The following JCAD variants were observed in gnomAD, a reference collection of about 807,000 sequenced individuals.
The protein encoded by JCAD is junctional cadherin 5 associated.
A neutral mutation model predicts 98.0 loss-of-function variants in JCAD; 40 were observed. That is an observed-to-expected ratio of 0.41 (90% confidence interval 0.32 to 0.53). The LOEUF (loss-of-function observed/expected upper bound fraction) is 0.53. Ranked by LOEUF, JCAD falls within the 20% of genes least tolerant of loss-of-function variation. JCAD has a pLI of 0.31. For synonymous variants in JCAD, 691 were observed against 682.3 expected, an observed-to-expected ratio of 1.01 and a Z score of -0.20; for missense variants, 1,705 against 1,738.1, an observed-to-expected ratio of 0.98 and a Z score of 0.34.
rs770165943 is a variant in JCAD at position 30,026,930 on chromosome 10, G to A, written c.3218C>T (p.Thr1073Ile). Residue 1073 changes from threonine to isoleucine, a missense_variant, in exon 3 of 4, where the codon ACA becomes ATA. Coordinates refer to ENST00000375377, the MANE Select transcript of JCAD (RefSeq NM_020848.4). ...ELEGSLGEAS[T>I]IEIPPGESLQ... ...GGACTCACCTGGGGGGATTTCTATT[G>A]TGCTTGCTTCACCCAAAGACCCCTC... is the stretch of plus-strand genomic sequence containing the variant. 6.2e-7 allele frequency: 1 copy of A among 1,614,122 alleles called. No individual in the cohort carries two copies. The highest frequency in any genetic ancestry group is 8.5e-7 in the Non-Finnish European group (1 of 1,180,018).
chr10:30,027,313 G>C lies in JCAD; in HGVS notation c.2835C>G (p.Phe945Leu), dbSNP rs775621147. ...CACTCGTGCTTCCATCTGCTGAGCA[G>C]AAAGGTGCACCGCCACCTTCTTCCA... ...FRVEEGGGAP[F>L]CSADGSTSAE... Residue 945 changes from phenylalanine to leucine, a missense_variant, in exon 3 of 4, where the codon TTC becomes TTG. By Grantham distance (22) the Phe-to-Leu change is conservative. Coordinates refer to ENST00000375377, the MANE Select transcript of JCAD (RefSeq NM_020848.4). The C allele has an allele frequency of 7.4e-6, 12 of 1,613,886 alleles. 1 individual carries two copies. In the South Asian group the frequency reaches 1.3e-4, roughly 18 times the overall value.
intron 1 of JCAD, among the ~76,000 whole-genome samples, chr10:30,050,211 A>C (rs765173826): frequency 6.7e-6 from 1 of 150,242 alleles, no homozygotes; most frequent in Non-Finnish European, 1.5e-5. Context: ...GTTACTCAAG[A>C]GCCTGAAGGA....
Position 30,012,857 on chromosome 10 carries a change from ATCCT to A in JCAD, c.*5022_*5025del, listed in dbSNP as rs1396404335. The stretch of plus-strand genomic sequence containing the variant: ...TATGTTACTGAGCAGGCCAGCCGCC[ATCCT>A]GAAATAGCAAGGATATTTACACTGT... On this transcript the variant is annotated 3_prime_UTR_variant, in exon 4 of 4. Transcript: ENST00000375377. 1.3e-5 allele frequency: 2 copies of A among 152,254 alleles called. No individual in the cohort carries two copies. The highest frequency in any genetic ancestry group is 2.4e-5 in the African/African-American group (1 of 41,450). The allele number at this position is 152,254 out of a possible 1,614,324, so 9.4% of individuals were successfully genotyped here.
rs1314925032 is a variant in JCAD at position 30,087,935 on chromosome 10, G to GGTTGAAGCCATTCTCCT, written n.129-18131_129-18115dup. ...AGCTCACTGTAACCTCTGCCTCCCG[G>GGTTGAAGCCATTCTCCT]GTTGAAGCCATTCTCCTGCCTCAGC... On this transcript the variant is annotated intron_variant and non_coding_transcript_variant, in intron 1 of 2. Transcript: ENST00000465712. Among the ~76,000 whole-genome samples, 4 of 152,194 alleles carry GGTTGAAGCCATTCTCCT rather than the reference G, an allele frequency of 2.6e-5. No homozygotes were observed. In the East Asian group the frequency reaches 7.7e-4, roughly 29 times the overall value.
At position 30,028,157 on chromosome 10, in the gene JCAD, A is replaced by G. The variant is rs1422335268; in HGVS notation, c.1991T>C (p.Leu664Pro). 2 of 1,614,042 alleles carry G rather than the reference A, an allele frequency of 1.2e-6. No individual in the cohort carries two copies. The highest frequency in any genetic ancestry group is 8.5e-7 in the Non-Finnish European group (1 of 1,179,998). Reference protein sequence around the residue: ...EPEEDRQTNDLSFIHLTKHRE... With the variant: ...EPEEDRQTNDPSFIHLTKHRE... ...GTGCTTTGTAAGGTGGATGAAACTG[A>G]GGTCATTTGTTTGTCTGTCTTCTTC... The change falls in exon 3 of 4, where the codon CTC becomes CCC. Residue 664 changes from leucine to proline, a missense_variant. By Grantham distance (98) the Leu-to-Pro change is moderately conservative. Coordinates refer to ENST00000375377, the MANE Select transcript of JCAD (RefSeq NM_020848.4).
At chr10:30,114,129 TC>T (rs1838752582) in intron 1 of JCAD, among the ~76,000 whole-genome samples, 1 of 152,140 alleles carries the variant, frequency 6.6e-6, no homozygotes, top group Admixed American at 6.5e-5. Context: ...TTGACTTAGT[TC>T]CCCGTGCACA....
intron 1 of JCAD, among the ~76,000 whole-genome samples, chr10:30,105,292 C>T (rs1838553036): frequency 6.6e-6 from 1 of 151,908 alleles, no homozygotes; most frequent in Non-Finnish European, 1.5e-5. Flanking sequence ...TGTCACCAGC[C>T]TTGCAACTGT....
chr10:30,108,283 A>G (rs1201015162), intron 1 of JCAD, among the ~76,000 whole-genome samples: 1 of 151,504 alleles, frequency 6.6e-6, no homozygotes, highest in East Asian at 1.9e-4. Flanking sequence ...TTATGCTCCA[A>G]CCTGGGTGAC....
chr10:30,034,409 C>T (rs1282138833), intron 2 of JCAD, among the ~76,000 whole-genome samples: 4 of 152,154 alleles, frequency 2.6e-5, no homozygotes, highest in Non-Finnish European at 4.4e-5. Context: ...TCTGTGTTAA[C>T]GACCTGTACA....
chr10:30,109,195 G>A (rs546791588), intron 1 of JCAD, among the ~76,000 whole-genome samples: 7 of 152,148 alleles, frequency 4.6e-5, no homozygotes, highest in Admixed American at 2.0e-4. Flanking sequence ...TACGATTGGC[G>A]GAGCGGAATT....
Position 30,026,805 on chromosome 10 carries a change from C to A in JCAD, c.3343G>T (p.Asp1115Tyr). 1 of 1,614,044 alleles carries A rather than the reference C, an allele frequency of 6.2e-7. No homozygotes were observed. The highest frequency in any genetic ancestry group is 8.5e-7 in the Non-Finnish European group (1 of 1,180,034). ...RAGQNQPAEP[D>Y]ASACTPESPQ... ...GACTCTGGGGTGCAGGCACTTGCAT[C>A]GGGCTCAGCAGGCTGGTTCTGTCCC... Residue 1115 changes from aspartate to tyrosine, a missense_variant, in exon 3 of 4, where the codon GAT becomes TAT. Physicochemically the swap from Asp to Tyr is radical, Grantham distance 160. Around this residue, in one of 3 missense-constraint regions of JCAD, gnomAD observed 1,278 missense variants for 1,243.1 expected, o/e 1.03. Coordinates refer to ENST00000375377, the MANE Select transcript of JCAD (RefSeq NM_020848.4).
At chr10:30,113,634 C>A (rs1435547777) in intron 1 of JCAD, among the ~76,000 whole-genome samples, 1 of 144,752 alleles carries the variant, frequency 6.9e-6, no homozygotes, top group Non-Finnish European at 1.5e-5. Flanking sequence ...GAGCAGCATT[C>A]ATCAGAACCT....
intron 1 of JCAD, among the ~76,000 whole-genome samples, chr10:30,098,408 C>T (rs907223704): frequency 6.6e-6 from 1 of 152,158 alleles, no homozygotes; most frequent in Non-Finnish European, 1.5e-5. Context: ...AACCCATCCC[C>T]ACCACATCTA....
At chr10:30,108,054 T>C (rs1358053810) in intron 1 of JCAD, among the ~76,000 whole-genome samples, 2 of 152,178 alleles carry the variant, frequency 1.3e-5, no homozygotes, top group African/African-American at 2.4e-5. Flanking sequence ...GGCTCACTCC[T>C]GTAATCCCGG....
intron 2 of JCAD, among the ~76,000 whole-genome samples, chr10:30,044,428 C>G (rs1255753852): frequency 4.6e-5 from 7 of 152,130 alleles, no homozygotes; most frequent in Non-Finnish European, 4.4e-5. Flanking sequence ...TAAGGCAGCC[C>G]TCAACCAAGA....
chr10:30,097,915 A>G (rs537304734), intron 1 of JCAD, among the ~76,000 whole-genome samples: 1 of 152,296 alleles, frequency 6.6e-6, no homozygotes, highest in Admixed American at 6.5e-5. Context: ...TTTATACCTC[A>G]AAGTCATCAA....
At chr10:30,058,523 AGT>A (rs1228661700) in intron 1 of JCAD, among the ~76,000 whole-genome samples, 3 of 152,190 alleles carry the variant, frequency 2.0e-5, no homozygotes, top group Non-Finnish European at 2.9e-5. Context: ...CTTCTTCAGT[AGT>A]GAAATCACAG....
intron 3 of JCAD, among the ~76,000 whole-genome samples, chr10:30,022,734 G>A (rs552613927): frequency 5.3e-5 from 8 of 152,128 alleles, no homozygotes; most frequent in Non-Finnish European, 1.0e-4. Context: ...GGTCAATGAC[G>A]GGCCACATAG....
intron 2 of JCAD, among the ~76,000 whole-genome samples, chr10:30,040,903 C>A (rs1437489498): frequency 6.6e-6 from 1 of 152,180 alleles, no homozygotes; most frequent in African/African-American, 2.4e-5. Context: ...TGGGGCATTT[C>A]TTAGCTCTCA....
Sources: gnomAD v4.1 joint callset for allele counts (sites outside exome capture counted in the v4.1 genomes callset) on GRCh38, gnomAD v4.1.1 for gene constraint, gnomAD v4.1.1 regional missense constraint, MANE v1.5 for transcripts, NCBI Gene and HGNC (gene_info 2026-07-23, HGNC 2026-07-21) for gene names.